DCC: variants seen among roughly 807,000 people sequenced by gnomAD.
DCC encodes DCC netrin 1 receptor.
DCC carries 58 observed loss-of-function variants against 172.5 expected under a neutral mutation model. That is an observed-to-expected ratio of 0.34 (90% CI 0.27 to 0.42). DCC has a LOEUF of 0.42. Among genes scored for constraint, DCC ranks in the 10% least tolerant of loss-of-function variants. DCC has a pLI of 1.00. For missense variants in DCC, 1,740 were observed against 1,791.0 expected (o/e 0.97, Z 0.51); for synonymous variants, 709 against 644.5 (o/e 1.10, Z -1.52).
rs183486850 is a variant in DCC at position 53,467,867 on chromosome 18, T to A, written c.3620-27T>A. On this transcript the variant is annotated intron_variant, in intron 24 of 28. Transcript: ENST00000442544. Reference sequence around the variant, plus strand: ...AAGTGTTGCATCCTTGAAGAGGGCATGTTTCTCAGGAGTGTGTATTTTTTA... The same window carrying A: ...AAGTGTTGCATCCTTGAAGAGGGCAAGTTTCTCAGGAGTGTGTATTTTTTA... 9.8e-6 allele frequency: 11 copies of A among 1,126,760 alleles called. No individual in the cohort carries two copies. The Admixed American group carries it at 1.9e-4, about 19-fold the overall frequency. 69.8% of individuals were successfully genotyped at this position (1,126,760 alleles called of 1,614,324 possible).
At chr18:53,221,646 G>C (rs2055933812) in intron 12 of DCC, among the ~76,000 whole-genome samples, 1 of 152,064 alleles carries the variant, frequency 6.6e-6, no homozygotes, top group African/African-American at 2.4e-5. Context: ...TTTACTTTTT[G>C]TATCCCAACT....
At chr18:53,278,033 T>C (rs1334350040) in intron 12 of DCC, among the ~76,000 whole-genome samples, 4 of 152,306 alleles carry the variant, frequency 2.6e-5, no homozygotes, top group Admixed American at 1.3e-4. Flanking sequence ...GCAACAGATA[T>C]TTTGTTTTTC....
At chr18:52,860,420 A>G (rs2145359837) in intron 2 of DCC, among the ~76,000 whole-genome samples, 1 of 152,336 alleles carries the variant, frequency 6.6e-6, no homozygotes, top group East Asian at 1.9e-4. Context: ...ATTTGAAAAC[A>G]TTAGTTTGGA....
At chr18:52,858,791 T>G (rs570042061) in intron 2 of DCC, among the ~76,000 whole-genome samples, 1 of 152,332 alleles carries the variant, frequency 6.6e-6, no homozygotes, top group Non-Finnish European at 1.5e-5. Flanking sequence ...AGAGGAGGAT[T>G]CCAGCTGAAG....
At chr18:52,394,216 C>A (rs1986132860) in intron 1 of DCC, among the ~76,000 whole-genome samples, 3 of 151,942 alleles carry the variant, frequency 2.0e-5, no homozygotes, top group African/African-American at 4.8e-5. Flanking sequence ...ATGACACTAG[C>A]CTTCAGGTTT....
Position 52,936,358 on chromosome 18 carries a change from A to G in DCC, c.985+10988A>G, listed in dbSNP as rs1043563228. 1.2e-4 allele frequency among the ~76,000 whole-genome samples: 15 copies of G among 122,444 alleles called. 5 individuals carry two copies. The highest frequency in any genetic ancestry group is 7.7e-5 in the Non-Finnish European group (4 of 51,694). 80.3% of individuals were successfully genotyped at this position (122,444 alleles called of 152,430 possible). A position where few individuals can be genotyped will look rare whatever the true frequency, so the allele number is the denominator to read the frequency against. ...TTCGTTATTTCAGTTGGGAGTTAGA[A>G]CTGGTAATGGAAATACAAGTTGGAT... On this transcript the variant is annotated intron_variant, in intron 5 of 28. Coordinates refer to ENST00000442544, the MANE Select transcript of DCC (RefSeq NM_005215.4).
chr18:53,497,427 C>T lies in DCC; in HGVS notation c.3899-1871C>T, dbSNP rs569949430. Among the ~76,000 whole-genome samples the T allele has an allele frequency of 6.6e-5, 10 of 152,356 alleles. No homozygotes were observed. The South Asian group carries it at 1.2e-3, about 19-fold the overall frequency. Reference sequence around the variant, plus strand: ...AAGGAATTGCTATCAAGGAGGCCCACATTAAGGTAAACTTTCTTATGGGAA... The same window carrying T: ...AAGGAATTGCTATCAAGGAGGCCCATATTAAGGTAAACTTTCTTATGGGAA... On this transcript the variant is annotated intron_variant, in intron 26 of 28. Coordinates refer to ENST00000442544, the MANE Select transcript of DCC (RefSeq NM_005215.4).
At chr18:53,500,810 G>A (rs533855826) in intron 27 of DCC, among the ~76,000 whole-genome samples, 2 of 151,862 alleles carry the variant, frequency 1.3e-5, no homozygotes, top group African/African-American at 4.8e-5. Context: ...CATTCTACAA[G>A]AGATGGCCCT....
Position 52,408,411 on chromosome 18 carries a change from C to T in DCC, c.91+67533C>T, listed in dbSNP as rs1257314660. ...AATGACAAATGCTGAATTCAGGATGCATGAAGAATTATGAACTGAAATTAT... is the reference window on the plus strand; with the variant it reads ...AATGACAAATGCTGAATTCAGGATGTATGAAGAATTATGAACTGAAATTAT... On this transcript the variant is annotated intron_variant, in intron 1 of 28. Coordinates refer to ENST00000442544, the MANE Select transcript of DCC (RefSeq NM_005215.4). 1.3e-5 allele frequency among the ~76,000 whole-genome samples: 2 copies of T among 151,808 alleles called. 1 individual carries two copies.
At chr18:52,794,429 C>T (rs530353815) in intron 2 of DCC, among the ~76,000 whole-genome samples, 3 of 151,854 alleles carry the variant, frequency 2.0e-5, no homozygotes, top group African/African-American at 7.2e-5. Context: ...GAGATCACGT[C>T]CTTCATTTTT....
chr18:52,773,497 T>C (rs1397952389), intron 2 of DCC, among the ~76,000 whole-genome samples: 1 of 128,718 alleles, frequency 7.8e-6, no homozygotes, highest in African/African-American at 2.6e-5. Flanking sequence ...CAAATATATA[T>C]CTCTATATAT....
intron 1 of DCC, among the ~76,000 whole-genome samples, chr18:52,448,080 C>T (rs868613399): frequency 5.9e-5 from 9 of 152,116 alleles, no homozygotes; most frequent in African/African-American, 1.7e-4. Context: ...TGTTAGGAAC[C>T]GGGCCGCACA....
At chr18:53,298,379 T>A (rs1049949291) in intron 12 of DCC, among the ~76,000 whole-genome samples, 21 of 151,482 alleles carry the variant, frequency 1.4e-4, no homozygotes, top group African/African-American at 4.8e-4. Flanking sequence ...CTACAAAAAA[T>A]ACAGAAAGTA....
intron 5 of DCC, among the ~76,000 whole-genome samples, chr18:52,944,842 T>C (rs1011349308): frequency 1.3e-5 from 2 of 152,232 alleles, no homozygotes; most frequent in African/African-American, 4.8e-5. Context: ...GAAGGCTCTG[T>C]TTTATTACAT....
At chr18:53,006,245 A>G (rs762344842) in intron 5 of DCC, among the ~76,000 whole-genome samples, 2 of 152,232 alleles carry the variant, frequency 1.3e-5, no homozygotes, top group Admixed American at 6.5e-5. Flanking sequence ...AACCTGCTAA[A>G]GTGAGATTTG....
chr18:53,369,726 A>T (rs1389203627), intron 15 of DCC, among the ~76,000 whole-genome samples: 1 of 151,770 alleles, frequency 6.6e-6, no homozygotes, highest in Admixed American at 6.6e-5. Flanking sequence ...TCAATTGATG[A>T]CGTGGTGGTT....
At chr18:53,279,759 A>G (rs1293045182) in intron 12 of DCC, among the ~76,000 whole-genome samples, 1 of 152,154 alleles carries the variant, frequency 6.6e-6, no homozygotes, top group African/African-American at 2.4e-5. Context: ...CAATCATAAA[A>G]AAGAATGAGA....
intron 21 of DCC, among the ~76,000 whole-genome samples, chr18:53,429,963 G>C (rs1167124561): frequency 1.3e-5 from 2 of 152,066 alleles, no homozygotes. Context: ...GATGCCCGAT[G>C]CCTTTGTTTA....
intron 12 of DCC, among the ~76,000 whole-genome samples, chr18:53,256,285 G>T (rs1184557203): frequency 6.6e-6 from 1 of 152,188 alleles, no homozygotes; most frequent in African/African-American, 2.4e-5. Flanking sequence ...TGAAGTCCTT[G>T]CCCGTGCCTA....
Sources: allele counts gnomAD v4.1 joint callset (sites outside exome capture counted in the v4.1 genomes callset), GRCh38; gene constraint gnomAD v4.1.1; transcripts MANE v1.5; gene names NCBI Gene and HGNC (gene_info 2026-07-23, HGNC 2026-07-21).